EPHB1: variants seen among roughly 807,000 people sequenced by gnomAD.
The protein encoded by EPHB1 is EPH receptor B1.
EPHB1 carries 30 observed loss-of-function variants against 94.4 expected under a neutral mutation model. The ratio of observed to expected loss-of-function variants is 0.32; its 90% CI spans 0.24 to 0.43. The LOEUF is 0.43. Ranked by LOEUF, EPHB1 falls within the 20% of genes least tolerant of loss-of-function variation. The pLI, the probability that EPHB1 is intolerant of heterozygous loss-of-function variation, is 1.00. For missense variants in EPHB1, 1,055 were observed against 1,308.3 expected (o/e 0.81, Z 2.99); for synonymous variants, 522 against 489.1 (o/e 1.07, Z -0.89).
intron 1 of EPHB1, among the ~76,000 whole-genome samples, chr3:134,881,350 G>A (rs1000974032): frequency 6.6e-6 from 1 of 152,132 alleles, no homozygotes; most frequent in African/African-American, 2.4e-5. Context: ...AGACATGCAG[G>A]TATGTGCAAG....
intron 3 of EPHB1, among the ~76,000 whole-genome samples, chr3:135,003,693 G>C (rs941877340): frequency 6.6e-6 from 1 of 152,132 alleles, no homozygotes; most frequent in Non-Finnish European, 1.5e-5. Context: ...TTGCTGAATT[G>C]ATCCCTTTAC....
chr3:134,955,450 T>C (rs1308351114), intron 3 of EPHB1, among the ~76,000 whole-genome samples: 1 of 93,490 alleles, frequency 1.1e-5, no homozygotes, highest in East Asian at 2.2e-4. Flanking sequence ...TCATTTTTTA[T>C]GGCTGCATAG....
chr3:135,139,481 C>T (rs1372154667), intron 5 of EPHB1, among the ~76,000 whole-genome samples: 1 of 152,194 alleles, frequency 6.6e-6, no homozygotes, highest in Non-Finnish European at 1.5e-5. Flanking sequence ...ATTTATTCGC[C>T]TACTCGTCAA....
chr3:134,880,252 G>A (rs2037704762), intron 1 of EPHB1, among the ~76,000 whole-genome samples: 1 of 152,230 alleles, frequency 6.6e-6, no homozygotes, highest in Non-Finnish European at 1.5e-5. Context: ...TAATGTGACA[G>A]ACCCGGGCTG....
intron 2 of EPHB1, among the ~76,000 whole-genome samples, chr3:134,930,294 C>CA (rs2038880044): frequency 6.6e-6 from 1 of 152,246 alleles, no homozygotes; most frequent in Non-Finnish European, 1.5e-5. Context: ...TATTACGTGT[C>CA]AAAACCAGAA....
At chr3:135,172,264 T>C (rs1027560435) in intron 9 of EPHB1, among the ~76,000 whole-genome samples, 2 of 152,228 alleles carry the variant, frequency 1.3e-5, no homozygotes, top group Non-Finnish European at 2.9e-5. Context: ...AATGCCATTA[T>C]GGCAAAAGAA....
chr3:134,902,093 AG>A (rs2038214256), intron 1 of EPHB1, among the ~76,000 whole-genome samples: 1 of 152,236 alleles, frequency 6.6e-6, no homozygotes, highest in Non-Finnish European at 1.5e-5. Flanking sequence ...CATTTATAGA[AG>A]TCCGACCTGT....
chr3:135,136,870 C>T (rs1940638665), intron 5 of EPHB1, among the ~76,000 whole-genome samples: 1 of 152,164 alleles, frequency 6.6e-6, no homozygotes, highest in African/African-American at 2.4e-5. Context: ...ATACAGCTGC[C>T]ATGAGTTTAA....
At chr3:135,199,565 GGTTAAAGTTAGA>G (rs1942704948) in intron 11 of EPHB1, among the ~76,000 whole-genome samples, 2 of 152,192 alleles carry the variant, frequency 1.3e-5, no homozygotes, top group South Asian at 4.1e-4. Context: ...GTTTGGAGGT[GGTTAAAGTTAGA>G]GTTAGAAATA....
intron 3 of EPHB1, among the ~76,000 whole-genome samples, chr3:134,997,991 G>C (rs1935049358): frequency 6.6e-6 from 1 of 152,194 alleles, no homozygotes; most frequent in Non-Finnish European, 1.5e-5. Flanking sequence ...CTCTTTCAGG[G>C]TGATTTAATT....
At chr3:135,132,499 G>C (rs1940455836) in intron 4 of EPHB1, among the ~76,000 whole-genome samples, 1 of 152,168 alleles carries the variant, frequency 6.6e-6, no homozygotes. Flanking sequence ...AAAAGCCTCA[G>C]TGAAGATGAC....
chr3:135,138,308 A>G (rs1035549424), intron 5 of EPHB1, among the ~76,000 whole-genome samples: 1 of 152,216 alleles, frequency 6.6e-6, no homozygotes, highest in Non-Finnish European at 1.5e-5. Flanking sequence ...TGAAGTTCTT[A>G]GACAGTTAAA....
chr3:135,039,686 C>A (rs1411160752), intron 3 of EPHB1, among the ~76,000 whole-genome samples: 2 of 152,238 alleles, frequency 1.3e-5, no homozygotes, highest in Non-Finnish European at 2.9e-5. Flanking sequence ...TAAGTCCCCC[C>A]TTGCTCGGGG....
intron 1 of EPHB1, among the ~76,000 whole-genome samples, chr3:134,840,784 C>G (rs1005921966): frequency 6.6e-6 from 1 of 152,176 alleles, no homozygotes; most frequent in Non-Finnish European, 1.5e-5. Flanking sequence ...AATATGAGGT[C>G]TCTGACTGGC....
intron 5 of EPHB1, among the ~76,000 whole-genome samples, chr3:135,150,071 T>C (rs765783375): frequency 9.2e-5 from 14 of 152,220 alleles, no homozygotes; most frequent in Non-Finnish European, 1.6e-4. Flanking sequence ...GGCACAGTGT[T>C]TGGCAAATAT....
At chr3:135,255,790 A>G (rs1449512430) in intron 15 of EPHB1, among the ~76,000 whole-genome samples, 8 of 145,906 alleles carry the variant, frequency 5.5e-5, no homozygotes, top group South Asian at 2.3e-4. Flanking sequence ...TTTCTGTCTC[A>G]TTGATCTGTC....
chr3:134,922,669 A>T (rs2038711735), intron 1 of EPHB1, among the ~76,000 whole-genome samples: 1 of 151,876 alleles, frequency 6.6e-6, no homozygotes. Flanking sequence ...CTCCAACATG[A>T]TCTTGCTGTT....
intron 3 of EPHB1, among the ~76,000 whole-genome samples, chr3:134,967,587 A>G (rs1347495130): frequency 3.9e-5 from 6 of 152,168 alleles, no homozygotes; most frequent in Admixed American, 6.5e-5. Flanking sequence ...GTCCCTCACC[A>G]TGTGATGCCC....
At chr3:134,820,639 A>C (rs2036362557) in intron 1 of EPHB1, among the ~76,000 whole-genome samples, 1 of 152,074 alleles carries the variant, frequency 6.6e-6, no homozygotes, top group Admixed American at 6.6e-5. Context: ...CAAGTTCTTG[A>C]TGTTTTATTT....
Sources: allele counts gnomAD v4.1 joint callset (sites outside exome capture counted in the v4.1 genomes callset), GRCh38; gene constraint gnomAD v4.1.1; transcripts MANE v1.5; gene names NCBI Gene and HGNC (gene_info 2026-07-23, HGNC 2026-07-21).